Variants in VAV2 observed in about 807,000 individuals in gnomAD.
VAV2 encodes the protein guanine nucleotide exchange factor VAV2.
Under a neutral mutation model 132.5 loss-of-function variants are expected in VAV2, and 67 were observed. That is an observed-to-expected ratio of 0.51 (90% CI 0.42 to 0.62). VAV2 has a LOEUF of 0.62. Ranked by LOEUF, VAV2 falls within the 20% of genes least tolerant of loss-of-function variation. VAV2 has a pLI of 0.00. For missense variants in VAV2, 938 were observed against 1,153.6 expected, an observed-to-expected ratio of 0.81 and a Z score of 2.71; for synonymous variants, 492 against 443.5, an observed-to-expected ratio of 1.11 and a Z score of -1.37.
At chr9:133,889,722 G>A (rs1177426552) in intron 2 of VAV2, among the ~76,000 whole-genome samples, 2 of 151,364 alleles carry the variant, frequency 1.3e-5, no homozygotes, top group African/African-American at 4.8e-5. Context: ...AACGAGGCTC[G>A]GCTGTTTGTT....
chr9:133,787,786 C>T (rs1834286962), intron 15 of VAV2, among the ~76,000 whole-genome samples: 1 of 151,558 alleles, frequency 6.6e-6, no homozygotes. Flanking sequence ...CTGGCAGCCA[C>T]AGGCCCACCT....
intron 20 of VAV2, chr9:133,780,162 C>A: frequency 1.7e-6 from 1 of 585,312 alleles, no homozygotes; most frequent in Non-Finnish European, 2.9e-6. Context: ...GTGCCCTTCT[C>A]TCTCCCACTC....
chr9:133,924,322 G>T (rs1050840857), intron 2 of VAV2, among the ~76,000 whole-genome samples: 3 of 152,042 alleles, frequency 2.0e-5, no homozygotes, highest in Non-Finnish European at 4.4e-5. Context: ...AGCTGGGGTA[G>T]ACTACAGTTA....
chr9:133,917,713 G>A (rs1033281992), intron 2 of VAV2, among the ~76,000 whole-genome samples: 2 of 152,194 alleles, frequency 1.3e-5, no homozygotes, highest in Admixed American at 6.5e-5. Flanking sequence ...GGCCCAGGCC[G>A]GGCATCCAGT....
chr9:133,839,382 G>C (rs1230160134), intron 3 of VAV2, among the ~76,000 whole-genome samples: 1 of 152,076 alleles, frequency 6.6e-6, no homozygotes, highest in East Asian at 1.9e-4. Flanking sequence ...GGACAGAAAG[G>C]TGGGTGTCAG....
intron 20 of VAV2, 152 bp from the exon 21 acceptor site, chr9:133,780,091 T>C (rs1833955026): frequency 3.0e-6 from 3 of 1,013,404 alleles, no homozygotes; most frequent in Non-Finnish European, 4.4e-6. Flanking sequence ...CTGTTCCCTA[T>C]GGGACGCCCC....
At chr9:133,900,731 C>A (rs889231447) in intron 2 of VAV2, among the ~76,000 whole-genome samples, 1 of 151,622 alleles carries the variant, frequency 6.6e-6, no homozygotes, top group East Asian at 1.9e-4. Context: ...AATCGCCTTG[C>A]CTTTTCTCCA....
intron 4 of VAV2, among the ~76,000 whole-genome samples, chr9:133,813,125 G>A (rs1289985068): frequency 2.0e-5 from 3 of 152,224 alleles, no homozygotes; most frequent in Non-Finnish European, 4.4e-5. Flanking sequence ...CCCGTTGGGG[G>A]CTCACTGCAC....
chr9:133,849,683 T>TG (rs1483166926), intron 3 of VAV2, among the ~76,000 whole-genome samples: 2 of 152,176 alleles, frequency 1.3e-5, no homozygotes, highest in Non-Finnish European at 2.9e-5. Flanking sequence ...CTGGAGGCAC[T>TG]GGGGGAGGGT....
intron 1 of VAV2, among the ~76,000 whole-genome samples, chr9:133,955,914 C>G (rs1588167464): frequency 2.7e-5 from 4 of 149,984 alleles, no homozygotes; most frequent in African/African-American, 7.4e-5. Flanking sequence ...CCTGCCGCTT[C>G]CGCTCAGCAC....
chr9:133,909,998 C>A (rs368718783), intron 2 of VAV2, among the ~76,000 whole-genome samples: 20 of 150,780 alleles, frequency 1.3e-4, no homozygotes, highest in African/African-American at 4.2e-4. Flanking sequence ...GACAGCCCCC[C>A]ACGAGCCACA....
At chr9:133,968,875 C>T (rs1017758319) in intron 1 of VAV2, among the ~76,000 whole-genome samples, 1 of 152,196 alleles carries the variant, frequency 6.6e-6, no homozygotes, top group Non-Finnish European at 1.5e-5. Flanking sequence ...CCCTCGGTTG[C>T]AGCAAATGTG....
At chr9:133,880,116 G>A (rs934393005) in intron 2 of VAV2, among the ~76,000 whole-genome samples, 15 of 152,136 alleles carry the variant, frequency 9.9e-5, no homozygotes, top group African/African-American at 3.6e-4. Flanking sequence ...GACCCACCTG[G>A]ACCCACCTGC....
In VAV2 at chr9:133,763,774, C is replaced by A; in HGVS notation, c.*288G>T. 1 of 458,010 alleles carries A rather than the reference C, an allele frequency of 2.2e-6. No individual in the cohort carries two copies. Among genetic ancestry groups the A allele is most frequent in the South Asian group, 2.3e-5 (1 of 43,320 alleles). 28.4% of individuals were successfully genotyped at this position (458,010 alleles called of 1,614,324 possible). On this transcript the variant is annotated 3_prime_UTR_variant, in exon 30 of 30. Transcript: ENST00000371850. This position sits in a 1 kb window ranked among gnomAD's most constrained non-coding sequence, Gnocchi z 6.8. ...ATGGGCCTCTGGCCTCAGCCACTAC[C>A]CAGAGCCTGGCTCGCAGCGCTGTCG...
intron 1 of VAV2, among the ~76,000 whole-genome samples, chr9:133,948,655 A>T (rs188207660): frequency 6.6e-5 from 10 of 152,340 alleles, no homozygotes; most frequent in African/African-American, 9.6e-5. Flanking sequence ...ACTATTCTGT[A>T]AAGGTTTCCA....
At chr9:133,797,655 C>T in intron 10 of VAV2, 55 bp downstream of exon 10, 3 of 1,527,662 alleles carry the variant, frequency 2.0e-6, no homozygotes, top group South Asian at 1.2e-5. Flanking sequence ...CGAGCTCTGG[C>T]CTGCAAGCTG....
chr9:133,967,020 G>C (rs1842162516), intron 1 of VAV2, among the ~76,000 whole-genome samples: 1 of 119,586 alleles, frequency 8.4e-6, no homozygotes, highest in South Asian at 3.1e-4. Context: ...AGGTGACTGA[G>C]CAAGACTTTG....
chr9:133,776,356 C>T (rs2873805), intron 23 of VAV2, among the ~76,000 whole-genome samples: 6,967 of 151,280 alleles, frequency 0.046, 242 homozygotes, highest in African/African-American at 0.096. Flanking sequence ...CAGCAAGGAC[C>T]GAAGGTGCGG....
At chr9:133,944,982 T>C (rs1411621044) in intron 1 of VAV2, among the ~76,000 whole-genome samples, 3 of 152,114 alleles carry the variant, frequency 2.0e-5, no homozygotes, top group East Asian at 1.9e-4. Context: ...ACAGTGATTA[T>C]AGGCGCTCCA....
Sources: gnomAD v4.1 joint callset for allele counts (sites outside exome capture counted in the v4.1 genomes callset) on GRCh38, gnomAD v4.1.1 for gene constraint, Gnocchi (gnomAD v3.1) non-coding constraint, MANE v1.5 for transcripts, NCBI Gene and HGNC (gene_info 2026-07-23, HGNC 2026-07-21) for gene names.